The following BAD variants were observed in gnomAD, a reference collection of about 807,000 sequenced individuals.
The protein encoded by BAD is bcl2-associated agonist of cell death.
A neutral mutation model predicts 17.8 loss-of-function variants in BAD; 18 were observed. The ratio of observed to expected loss-of-function variants is 1.01; its 90% CI spans 0.70 to 1.50. The LOEUF is 1.50. BAD is among the 40% of genes most tolerant of loss of function. The pLI is 0.00. For synonymous variants in BAD, 112 were observed against 91.5 expected (o/e 1.22, Z -1.28); for missense variants, 294 against 239.3 (o/e 1.23, Z -1.51).
At position 64,280,236 on chromosome 11, in the gene BAD, C is replaced by T. The variant is rs939698391; in HGVS notation, c.187+3946G>A. On this transcript the variant is annotated intron_variant, in intron 2 of 3. Transcript: ENST00000309032. Reference sequence around the variant, plus strand: ...TCTGGAGGCTGAGGCAGGAGAATGGCGTGAACCCGGGAGGCAGAGCTTGCA... The same window carrying T: ...TCTGGAGGCTGAGGCAGGAGAATGGTGTGAACCCGGGAGGCAGAGCTTGCA... 5.4e-4 allele frequency among the ~76,000 whole-genome samples: 81 copies of T among 150,164 alleles called. 1 individual carries two copies. Among genetic ancestry groups the T allele is most frequent in the African/African-American group, 6.6e-4 (27 of 40,950 alleles).
intron 2 of BAD, among the ~76,000 whole-genome samples, chr11:64,275,443 C>G (rs1043712627): frequency 6.6e-6 from 1 of 152,158 alleles, no homozygotes; most frequent in African/African-American, 2.4e-5. Flanking sequence ...TTTGGGGCCC[C>G]AGTGTCTTCT....
chr11:64,283,008 C>T (rs372405871), intron 2 of BAD, among the ~76,000 whole-genome samples: 6 of 152,000 alleles, frequency 3.9e-5, no homozygotes, highest in Non-Finnish European at 8.8e-5. Flanking sequence ...GAGCTGAGAT[C>T]GCACCTCTGT....
chr11:64,280,198 T>TA (rs2033356874), intron 2 of BAD, among the ~76,000 whole-genome samples: 1 of 150,426 alleles, frequency 6.6e-6, no homozygotes, highest in Non-Finnish European at 1.5e-5. Context: ...CGGGAGGCTG[T>TA]AGTCCGAGCT....
At chr11:64,280,208 T>C (rs1388946277) in intron 2 of BAD, among the ~76,000 whole-genome samples, 1 of 150,034 alleles carries the variant, frequency 6.7e-6, no homozygotes, top group Non-Finnish European at 1.5e-5. Flanking sequence ...TAGTCCGAGC[T>C]ACTCTGGAGG....
At chr11:64,277,087 C>T (rs1213667292) in intron 2 of BAD, 1 of 686,000 alleles carries the variant, frequency 1.5e-6, no homozygotes, top group East Asian at 2.7e-5. Context: ...AATTACAAGA[C>T]ACTTGCACAC....
At chr11:64,280,056 G>A (rs886738927) in intron 2 of BAD, among the ~76,000 whole-genome samples, 3 of 151,780 alleles carry the variant, frequency 2.0e-5, no homozygotes, top group South Asian at 2.1e-4. Context: ...GGTGGCTCAC[G>A]CCTGTAATCC....
chr11:64,273,190 T>C (rs1348171238), intron 2 of BAD, among the ~76,000 whole-genome samples: 1 of 152,032 alleles, frequency 6.6e-6, no homozygotes. Flanking sequence ...CCTCAAACTC[T>C]GGTGAAACTC....
intron 1 of BAD, 48 bp from the exon 2 acceptor site, chr11:64,284,424 G>T (rs1423662154): frequency 2.5e-6 from 4 of 1,608,190 alleles, no homozygotes; most frequent in Non-Finnish European, 3.4e-6. Context: ...GGGGCCAACG[G>T]TGGCCCTGGA....
At chr11:64,270,900 G>GACACAC (rs71045754) in intron 3 of BAD, among the ~76,000 whole-genome samples, 5 of 87,658 alleles carry the variant, frequency 5.7e-5, no homozygotes, top group African/African-American at 1.4e-4. Context: ...TGCCCTGTGA[G>GACACAC]ACACACACAC....
chr11:64,281,217 C>T (rs545112206), intron 2 of BAD, among the ~76,000 whole-genome samples: 28 of 152,320 alleles, frequency 1.8e-4, no homozygotes, highest in African/African-American at 4.3e-4. Context: ...CTGCCCACCT[C>T]GAACTACCAA....
At chr11:64,284,668 C>A, upstream of BAD, 1 of 1,534,896 alleles carries the variant, frequency 6.5e-7, no homozygotes, top group East Asian at 2.4e-5. Context: ...CCGGGCCTGC[C>A]GCCTCCCTCC....
At chr11:64,273,515 C>T (rs1387093238) in intron 2 of BAD, among the ~76,000 whole-genome samples, 2 of 152,158 alleles carry the variant, frequency 1.3e-5, no homozygotes, top group Non-Finnish European at 1.5e-5. Context: ...CAACTCCACT[C>T]CTCTACCCAG....
In BAD at chr11:64,276,161, T is replaced by C. The variant is rs567857167; in HGVS notation, c.188-4358A>G. On this transcript the variant is annotated intron_variant, in intron 2 of 3. Transcript: ENST00000309032. ...CCAGTTCTGCCAGGAACCTGTCCTA[T>C]GGGGTGGGAGTTTTTCACCAAATTC... 7.8e-4 allele frequency among the ~76,000 whole-genome samples: 118 copies of C among 152,208 alleles called. 2 individuals are homozygous for C. Among genetic ancestry groups the C allele is most frequent in the African/African-American group, 2.6e-3 (108 of 41,552 alleles).
intron 3 of BAD, 50 bp downstream of exon 3, chr11:64,271,563 G>T: frequency 2.9e-6 from 4 of 1,364,488 alleles, no homozygotes; most frequent in South Asian, 1.7e-5. Flanking sequence ...CAGACCGGCG[G>T]GGGGCGGCCT....
chr11:64,274,654 C>G (rs1369676257), intron 2 of BAD, among the ~76,000 whole-genome samples: 1 of 152,124 alleles, frequency 6.6e-6, no homozygotes, highest in African/African-American at 2.4e-5. Context: ...AACCCTGTCT[C>G]TACTAAAAAC....
In BAD at chr11:64,270,186, A is replaced by C; in HGVS notation, c.*23T>G. On this transcript the variant is annotated 3_prime_UTR_variant, in exon 4 of 4. Coordinates refer to ENST00000309032, the MANE Select transcript of BAD (RefSeq NM_032989.3). Reference sequence around the variant, plus strand: ...TGCCCAGGGCAGTGGGAACGGGTGGAGTTTCGGGATGTGGAGCGAAGGTCA... The same window carrying C: ...TGCCCAGGGCAGTGGGAACGGGTGGCGTTTCGGGATGTGGAGCGAAGGTCA... 1 of 1,613,866 alleles carries C rather than the reference A, an allele frequency of 6.2e-7. No homozygotes were observed. Among genetic ancestry groups the C allele is most frequent in the Middle Eastern group, 1.6e-4 (1 of 6,062 alleles).
chr11:64,283,222 A>G (rs2033606702), intron 2 of BAD, among the ~76,000 whole-genome samples: 1 of 152,206 alleles, frequency 6.6e-6, no homozygotes, highest in South Asian at 2.1e-4. Context: ...CCAGAGTGAC[A>G]TGACCTAGTT....
At chr11:64,271,888 C>G in intron 2 of BAD, 85 bp from the exon 3 acceptor site, 2 of 1,153,712 alleles carry the variant, frequency 1.7e-6, no homozygotes, top group Non-Finnish European at 2.2e-6. Context: ...CCCATCAGCT[C>G]TGCAGGCCCA....
chr11:64,274,808 G>A (rs1277521136), intron 2 of BAD, among the ~76,000 whole-genome samples: 1 of 151,470 alleles, frequency 6.6e-6, no homozygotes, highest in East Asian at 1.9e-4. Context: ...GTGGCAGAGT[G>A]AGACTCTGTC....
Sources: gnomAD v4.1 joint callset for allele counts (sites outside exome capture counted in the v4.1 genomes callset) on GRCh38, gnomAD v4.1.1 for gene constraint, MANE v1.5 for transcripts, NCBI Gene and HGNC (gene_info 2026-07-23, HGNC 2026-07-21) for gene names.